The following TTC28 variants were observed in gnomAD, a reference collection of about 807,000 sequenced individuals.
TTC28 encodes the protein tetratricopeptide repeat protein 28.
A neutral mutation model predicts 198.0 loss-of-function variants in TTC28; 61 were observed. The observed-to-expected ratio is 0.31, with a 90% CI of 0.25 to 0.38. TTC28 has a LOEUF of 0.38. Ranked by LOEUF, TTC28 falls within the 10% of genes least tolerant of loss-of-function variation. The probability of loss-of-function intolerance (pLI) is 1.00; values close to 1 mark genes in which losing one functional copy is unlikely to be tolerated. For missense variants in TTC28, 2,678 were observed against 3,164.0 expected (o/e 0.85, Z 3.69); for synonymous variants, 1,171 against 1,297.8 (o/e 0.90, Z 2.10).
At chr22:28,640,209 G>A (rs188572922) in intron 1 of TTC28, among the ~76,000 whole-genome samples, 55 of 148,682 alleles carry the variant, frequency 3.7e-4, no homozygotes, top group Non-Finnish European at 6.8e-4. Context: ...GTGGTGAACC[G>A]TGATCACACC....
chr22:27,990,449 T>C (rs1318803840), intron 20 of TTC28, among the ~76,000 whole-genome samples: 1 of 152,216 alleles, frequency 6.6e-6, no homozygotes, highest in Non-Finnish European at 1.5e-5. Flanking sequence ...AAGTGTCCAT[T>C]TCCTTTCAGA....
intron 1 of TTC28, among the ~76,000 whole-genome samples, chr22:28,635,422 T>TA (rs1260077796): frequency 1.3e-5 from 2 of 152,204 alleles, no homozygotes; most frequent in Non-Finnish European, 2.9e-5. Flanking sequence ...AACCATTATT[T>TA]ATTCCCTCAT....
chr22:28,670,704 C>CATATATATATATATATATATATAT lies in TTC28; in HGVS notation c.102+8917_102+8918insATATATATATATATATATATATAT, dbSNP rs146059811. 1.7e-3 allele frequency among the ~76,000 whole-genome samples: 220 copies of CATATATATATATATATATATATAT among 128,492 alleles called. 7 individuals are homozygous for CATATATATATATATATATATATAT. Among genetic ancestry groups the CATATATATATATATATATATATAT allele is most frequent in the African/African-American group, 5.5e-3 (188 of 33,978 alleles). The allele number at this position is 128,492 out of a possible 152,430, so 84.3% of individuals were successfully genotyped here. ...AACAATTGTTTTGATGTCTTTAGGG[C>CATATATATATATATATATATATAT]ATATATATATATATATATATGAGTG... is the stretch of plus-strand genomic sequence containing the variant. On this transcript the variant is annotated intron_variant, in intron 1 of 22. Transcript: ENST00000397906.
chr22:28,544,670 T>C (rs1176986047), intron 2 of TTC28, among the ~76,000 whole-genome samples: 1 of 152,168 alleles, frequency 6.6e-6, no homozygotes, highest in Non-Finnish European at 1.5e-5. Context: ...CAGGATGTGA[T>C]AAAGAAGCCA....
intron 2 of TTC28, among the ~76,000 whole-genome samples, chr22:28,336,094 G>A (rs1054265398): frequency 3.9e-5 from 6 of 152,116 alleles, no homozygotes; most frequent in Non-Finnish European, 7.4e-5. Flanking sequence ...CTATTGAGAT[G>A]ATCATGTGGT....
chr22:28,423,276 G>C (rs1376968724), intron 2 of TTC28, among the ~76,000 whole-genome samples: 2 of 152,162 alleles, frequency 1.3e-5, no homozygotes, highest in Non-Finnish European at 2.9e-5. Flanking sequence ...TGTAATACCA[G>C]CTGCTCAGGA....
chr22:28,500,333 T>C (rs946873063), intron 2 of TTC28, among the ~76,000 whole-genome samples: 1 of 152,182 alleles, frequency 6.6e-6, no homozygotes, highest in African/African-American at 2.4e-5. Flanking sequence ...GTTTACAAGG[T>C]TCACCTACCT....
intron 12 of TTC28, among the ~76,000 whole-genome samples, chr22:28,041,398 G>C (rs1313636369): frequency 6.6e-6 from 1 of 152,134 alleles, no homozygotes; most frequent in Non-Finnish European, 1.5e-5. Flanking sequence ...TAGACCAATG[G>C]AACAGAACAG....
chr22:28,115,155 CTTTT>C (rs565113285), intron 6 of TTC28, among the ~76,000 whole-genome samples: 2,109 of 152,080 alleles, frequency 0.014, 36 homozygotes, highest in Middle Eastern at 0.051. Context: ...ATGCTCCATG[CTTTT>C]TTTATTTTTT....
chr22:28,409,737 A>G (rs151179613), intron 2 of TTC28, among the ~76,000 whole-genome samples: 17 of 149,726 alleles, frequency 1.1e-4, no homozygotes, highest in African/African-American at 4.2e-4. Context: ...GCTCAGCGCA[A>G]CCTCCGCCTC....
chr22:28,323,828 A>G (rs947810780), intron 2 of TTC28, among the ~76,000 whole-genome samples: 5 of 152,330 alleles, frequency 3.3e-5, no homozygotes, highest in South Asian at 2.1e-4. Context: ...TAATAATCAA[A>G]CTACTAAAAA....
intron 5 of TTC28, among the ~76,000 whole-genome samples, chr22:28,263,024 G>A (rs1164143635): frequency 6.6e-6 from 1 of 152,100 alleles, no homozygotes; most frequent in Non-Finnish European, 1.5e-5. Context: ...AAGCCAAGAA[G>A]GCAGTCTGGA....
chr22:28,280,696 T>C (rs1482018029), intron 5 of TTC28, among the ~76,000 whole-genome samples: 1 of 152,196 alleles, frequency 6.6e-6, no homozygotes, highest in Non-Finnish European at 1.5e-5. Context: ...TCTCCTTTTT[T>C]TCCCTTGTAG....
chr22:28,550,702 A>G (rs2049651791), intron 2 of TTC28, among the ~76,000 whole-genome samples: 1 of 152,300 alleles, frequency 6.6e-6, no homozygotes, highest in Admixed American at 6.5e-5. Flanking sequence ...CGAAGGTTTA[A>G]TAGACTAGCA....
At chr22:28,558,548 G>A (rs2049820337) in intron 2 of TTC28, among the ~76,000 whole-genome samples, 2 of 152,160 alleles carry the variant, frequency 1.3e-5, no homozygotes, top group Admixed American at 1.3e-4. Context: ...GGTGGCGCAT[G>A]CCTGTAATCC....
At chr22:28,450,157 C>T (rs1568951187) in intron 2 of TTC28, among the ~76,000 whole-genome samples, 1 of 151,962 alleles carries the variant, frequency 6.6e-6, no homozygotes, top group Non-Finnish European at 1.5e-5. Context: ...GGGTCATTGA[C>T]ATGATGATGA....
At chr22:28,387,882 C>T (rs1169949713) in intron 2 of TTC28, among the ~76,000 whole-genome samples, 1 of 152,148 alleles carries the variant, frequency 6.6e-6, no homozygotes, top group African/African-American at 2.4e-5. Flanking sequence ...GCTTTGGTTG[C>T]CATTGCTTTT....
chr22:28,595,599 T>C (rs2050525703), intron 2 of TTC28, among the ~76,000 whole-genome samples: 1 of 152,192 alleles, frequency 6.6e-6, no homozygotes, highest in African/African-American at 2.4e-5. Flanking sequence ...CATTCAGTCA[T>C]TTGTTGAACA....
At chr22:28,219,866 T>A (rs1455040345) in intron 5 of TTC28, among the ~76,000 whole-genome samples, 1 of 152,222 alleles carries the variant, frequency 6.6e-6, no homozygotes, top group East Asian at 1.9e-4. Flanking sequence ...TGACAAACAT[T>A]CATCCTGAAC....
Sources: gnomAD v4.1 joint callset for allele counts (sites outside exome capture counted in the v4.1 genomes callset) on GRCh38, gnomAD v4.1.1 for gene constraint, MANE v1.5 for transcripts, NCBI Gene and HGNC (gene_info 2026-07-23, HGNC 2026-07-21) for gene names.